The following KCND2 variants were observed in gnomAD, a reference collection of about 807,000 sequenced individuals.
KCND2 encodes the protein potassium voltage-gated channel subfamily D member 2.
KCND2 carries 16 observed loss-of-function variants against 54.4 expected under a neutral mutation model. The observed-to-expected ratio is 0.29, with a 90% confidence interval of 0.20 to 0.45. The LOEUF is 0.45. Among genes scored for constraint, KCND2 ranks in the 20% least tolerant of loss-of-function variants. The probability of loss-of-function intolerance (pLI) is 1.00; values close to 1 mark genes in which losing one functional copy is unlikely to be tolerated. For synonymous variants in KCND2, 317 were observed against 310.7 expected, an observed-to-expected ratio of 1.02 and a Z score of -0.21; for missense variants, 486 against 824.2, an observed-to-expected ratio of 0.59 and a Z score of 5.02.
chr7:120,552,401 C>T (rs905366337), intron 1 of KCND2, among the ~76,000 whole-genome samples: 3 of 152,118 alleles, frequency 2.0e-5, no homozygotes, highest in Non-Finnish European at 4.4e-5. Flanking sequence ...AGTTTCTTGT[C>T]TGGGTTCTGT....
intron 1 of KCND2, among the ~76,000 whole-genome samples, chr7:120,395,063 T>A (rs754334168): frequency 2.0e-5 from 3 of 152,038 alleles, no homozygotes; most frequent in African/African-American, 2.4e-5. Context: ...CCCCAAACAT[T>A]TATATGCTGG....
At chr7:120,529,572 A>C (rs918186623) in intron 1 of KCND2, among the ~76,000 whole-genome samples, 1 of 152,172 alleles carries the variant, frequency 6.6e-6, no homozygotes, top group African/African-American at 2.4e-5. Flanking sequence ...GGATTATTTC[A>C]TAGTCAGTTT....
At chr7:120,416,111 G>A (rs2116120697) in intron 1 of KCND2, among the ~76,000 whole-genome samples, 1 of 152,232 alleles carries the variant, frequency 6.6e-6, no homozygotes, top group East Asian at 1.9e-4. Context: ...TATCAATAAT[G>A]TTCTCTGTAA....
chr7:120,557,289 A>G (rs1424017127), intron 1 of KCND2, among the ~76,000 whole-genome samples: 1 of 152,104 alleles, frequency 6.6e-6, no homozygotes, highest in Non-Finnish European at 1.5e-5. Context: ...TGCTACAAAC[A>G]TTATAATTCA....
intron 1 of KCND2, among the ~76,000 whole-genome samples, chr7:120,542,751 C>G (rs777466235): frequency 6.6e-6 from 1 of 152,128 alleles, no homozygotes; most frequent in Non-Finnish European, 1.5e-5. Context: ...ACTTGGAAAC[C>G]TGAGCACATG....
intron 1 of KCND2, among the ~76,000 whole-genome samples, chr7:120,452,793 C>A (rs895545084): frequency 1.3e-5 from 2 of 152,118 alleles, no homozygotes; most frequent in Admixed American, 6.5e-5. Flanking sequence ...CCAGTGATAC[C>A]CATCGCCCAA....
At position 120,607,958 on chromosome 7, in the gene KCND2, T is replaced by A. The variant is rs183565359; in HGVS notation, c.1116-124945T>A. The stretch of plus-strand genomic sequence containing the variant: ...TATCTAAGAGATGTGAGAAATAAGA[T>A]TTAAAGATTAAGCTTTAGCCAAAAA... On this transcript the variant is annotated intron_variant, in intron 1 of 5. Transcript: ENST00000331113. Among the ~76,000 whole-genome samples, 104 of 151,874 alleles carry A rather than the reference T, an allele frequency of 6.8e-4. 1 individual carries two copies. The Middle Eastern group carries it at 0.01, about 15-fold the overall frequency.
At chr7:120,399,657 A>G (rs1336137332) in intron 1 of KCND2, among the ~76,000 whole-genome samples, 2 of 151,778 alleles carry the variant, frequency 1.3e-5, no homozygotes, top group Non-Finnish European at 2.9e-5. Flanking sequence ...TAATTTTCAT[A>G]TATATTTATC....
intron 1 of KCND2, among the ~76,000 whole-genome samples, chr7:120,699,371 C>T (rs1044543793): frequency 6.6e-5 from 10 of 151,932 alleles, no homozygotes; most frequent in African/African-American, 2.4e-4. Context: ...TTCCTTTATT[C>T]CAAAGCATTT....
chr7:120,341,210 G>A (rs1330488632), intron 1 of KCND2, among the ~76,000 whole-genome samples: 1 of 152,112 alleles, frequency 6.6e-6, no homozygotes, highest in Non-Finnish European at 1.5e-5. Flanking sequence ...TAGGGTGGAG[G>A]TGTTCAGAAG....
chr7:120,703,049 C>G (rs1307543566), intron 1 of KCND2, among the ~76,000 whole-genome samples: 1 of 152,040 alleles, frequency 6.6e-6, no homozygotes, highest in South Asian at 2.1e-4. Context: ...TAGAAAATAG[C>G]CTTAAATGTG....
intron 1 of KCND2, among the ~76,000 whole-genome samples, chr7:120,309,169 G>A (rs577546249): frequency 2.0e-5 from 3 of 152,128 alleles, no homozygotes; most frequent in Non-Finnish European, 4.4e-5. Flanking sequence ...CTTAAAGGTC[G>A]TTATAGGGAA....
In KCND2 at chr7:120,628,038, A is replaced by T. The variant is rs189599553; in HGVS notation, c.1116-104865A>T. Among the ~76,000 whole-genome samples the T allele has an allele frequency of 3.6e-3, 554 of 152,284 alleles. 2 individuals are homozygous for T. The highest frequency in any genetic ancestry group is 5.9e-3 in the Non-Finnish European group (404 of 68,006). On this transcript the variant is annotated intron_variant, in intron 1 of 5. Coordinates refer to ENST00000331113, the MANE Select transcript of KCND2 (RefSeq NM_012281.3). ...ACTTTGTTAGACCAGGAAATTTGAC[A>T]TTTAAAAAAAATGCACATGTTGGTT...
At chr7:120,327,055 A>G (rs1281244224) in intron 1 of KCND2, among the ~76,000 whole-genome samples, 1 of 152,124 alleles carries the variant, frequency 6.6e-6, no homozygotes, top group South Asian at 2.1e-4. Context: ...TTTGTTGACA[A>G]TAAGTCTTTC....
Position 120,415,220 on chromosome 7 carries a change from C to T in KCND2, c.1115+139473C>T, listed in dbSNP as rs1801508220. ...TATTTCAAGCTTGCTCTATTCTCTA[C>T]AAAACTCCAAGTCCCTATTACTCCC... On this transcript the variant is annotated intron_variant, in intron 1 of 5. Transcript: ENST00000331113. Among the ~76,000 whole-genome samples, 3 of 152,142 alleles carry T rather than the reference C, an allele frequency of 2.0e-5. No individual in the cohort carries two copies. The South Asian group carries it at 6.2e-4, about 32-fold the overall frequency.
rs986825392 is a variant in KCND2 at position 120,750,298 on chromosome 7, A to G, written c.*2440A>G. Reference sequence around the variant, plus strand: ...CTGGAAAAAAATAGACCTTTGGAGAATACTTAAATAAAACATGTGCATGCT... The same window carrying G: ...CTGGAAAAAAATAGACCTTTGGAGAGTACTTAAATAAAACATGTGCATGCT... On this transcript the variant is annotated 3_prime_UTR_variant, in exon 6 of 6. Coordinates refer to ENST00000331113, the MANE Select transcript of KCND2 (RefSeq NM_012281.3). 2 of 152,536 alleles carry G rather than the reference A, an allele frequency of 1.3e-5. No homozygotes were observed. Among genetic ancestry groups the G allele is most frequent in the East Asian group, 1.9e-4 (1 of 5,180 alleles). The allele number at this position is 152,536 out of a possible 1,614,324, so 9.4% of individuals were successfully genotyped here.
At chr7:120,312,668 G>T (rs1799755413) in intron 1 of KCND2, among the ~76,000 whole-genome samples, 1 of 152,102 alleles carries the variant, frequency 6.6e-6, no homozygotes, top group South Asian at 2.1e-4. Flanking sequence ...GTTGTTCACG[G>T]CCTAACTCCT....
chr7:120,522,416 A>G (rs574187124), intron 1 of KCND2, among the ~76,000 whole-genome samples: 34 of 152,268 alleles, frequency 2.2e-4, no homozygotes, highest in African/African-American at 7.7e-4. Flanking sequence ...TTGCTAAGGG[A>G]ATTACTTTAG....
At chr7:120,627,386 T>C (rs1359228921) in intron 1 of KCND2, among the ~76,000 whole-genome samples, 2 of 152,226 alleles carry the variant, frequency 1.3e-5, no homozygotes, top group Non-Finnish European at 2.9e-5. Context: ...TTATTCCTTT[T>C]ATCAATAGCT....
Sources: gnomAD v4.1 joint callset for allele counts (sites outside exome capture counted in the v4.1 genomes callset) on GRCh38, gnomAD v4.1.1 for gene constraint, MANE v1.5 for transcripts, NCBI Gene and HGNC (gene_info 2026-07-23, HGNC 2026-07-21) for gene names.